Variants in SHISA9 observed in about 807,000 individuals in gnomAD.
The protein encoded by SHISA9 is shisa family member 9.
Under a neutral mutation model 38.0 loss-of-function variants are expected in SHISA9, and 13 were observed. The ratio of observed to expected loss-of-function variants is 0.34; its 90% CI spans 0.22 to 0.54. The LOEUF is 0.54. Ranked by LOEUF, SHISA9 falls within the 20% of genes least tolerant of loss-of-function variation. SHISA9 has a pLI of 0.91. For missense variants in SHISA9, 538 were observed against 575.8 expected (o/e 0.93, Z 0.67); for synonymous variants, 275 against 242.0 (o/e 1.14, Z -1.27).
the SHISA9 span, among the ~76,000 whole-genome samples, chr16:13,561,372 G>A: frequency 2.6e-5 from 4 of 152,120 alleles, no homozygotes; most frequent in African/African-American, 7.2e-5. Context: ...ACTTGGCCCC[G>A]CATCCATTAC....
chr16:12,947,937 G>T (rs1015928526), intron 2 of SHISA9, among the ~76,000 whole-genome samples: 8 of 152,186 alleles, frequency 5.3e-5, no homozygotes, highest in African/African-American at 1.2e-4. Context: ...AATCGACAGG[G>T]TTTAGAAGAT....
intron 1 of SHISA9, among the ~76,000 whole-genome samples, chr16:12,914,130 CT>C (rs1190869245): frequency 6.6e-6 from 1 of 150,928 alleles, no homozygotes; most frequent in African/African-American, 2.4e-5. Context: ...ACTGCAACCC[CT>C]GCCTCCCGGG....
At chr16:13,480,449 G>A in the SHISA9 span, among the ~76,000 whole-genome samples, 378 of 152,270 alleles carry the variant, frequency 2.5e-3, no homozygotes, top group Non-Finnish European at 4.2e-3. Flanking sequence ...GGGGAACAGG[G>A]AGAGAATGCA....
At chr16:13,263,705 C>T in the SHISA9 span, among the ~76,000 whole-genome samples, 1 of 152,172 alleles carries the variant, frequency 6.6e-6, no homozygotes. Context: ...CATATAATTC[C>T]TACATGACTG....
At chr16:13,333,579 G>C in the SHISA9 span, among the ~76,000 whole-genome samples, 1 of 152,170 alleles carries the variant, frequency 6.6e-6, no homozygotes, top group Non-Finnish European at 1.5e-5. Context: ...GGAGCCAAGA[G>C]CCACATCATG....
At chr16:13,406,285 C>G in the SHISA9 span, among the ~76,000 whole-genome samples, 2 of 152,304 alleles carry the variant, frequency 1.3e-5, no homozygotes, top group African/African-American at 4.8e-5. Context: ...ATAGCTCACA[C>G]TCTGTCTCTA....
At chr16:13,346,161 A>T in the SHISA9 span, among the ~76,000 whole-genome samples, 2 of 152,110 alleles carry the variant, frequency 1.3e-5, no homozygotes, top group Non-Finnish European at 2.9e-5. Context: ...TCCATGCTCC[A>T]TGTCCATGCA....
intron 2 of SHISA9, among the ~76,000 whole-genome samples, chr16:12,967,904 G>C (rs1279220493): frequency 6.6e-6 from 1 of 152,050 alleles, no homozygotes; most frequent in Non-Finnish European, 1.5e-5. Flanking sequence ...AAATTCCAGA[G>C]CTAAGCCAGG....
At chr16:12,966,726 G>A (rs908460624) in intron 2 of SHISA9, among the ~76,000 whole-genome samples, 1 of 152,176 alleles carries the variant, frequency 6.6e-6, no homozygotes, top group African/African-American at 2.4e-5. Context: ...CACAGTGCCT[G>A]GCACAGAGTA....
chr16:13,127,030 C>A (rs1258236786), intron 2 of SHISA9, among the ~76,000 whole-genome samples: 1 of 102,668 alleles, frequency 9.7e-6, no homozygotes, highest in Non-Finnish European at 1.9e-5. Flanking sequence ...ACAGAGAGAG[C>A]CGAAGGAAGG....
intron 2 of SHISA9, among the ~76,000 whole-genome samples, chr16:13,189,514 A>G (rs1440156453): frequency 6.6e-6 from 1 of 152,226 alleles, no homozygotes; most frequent in Non-Finnish European, 1.5e-5. Context: ...TAGAATTGTT[A>G]TACTTAGAGA....
the SHISA9 span, among the ~76,000 whole-genome samples, chr16:13,540,131 A>C: frequency 6.6e-6 from 1 of 152,062 alleles, no homozygotes; most frequent in Non-Finnish European, 1.5e-5. Flanking sequence ...CCAGTGCTTA[A>C]ATCCTTTCAA....
intron 2 of SHISA9, among the ~76,000 whole-genome samples, chr16:13,118,538 G>A (rs1443498796): frequency 1.3e-5 from 2 of 152,186 alleles, no homozygotes; most frequent in Middle Eastern, 3.4e-3. Context: ...GGTGCATGTG[G>A]ATCACCTGGA....
At chr16:12,932,695 A>G (rs1347064327) in intron 2 of SHISA9, among the ~76,000 whole-genome samples, 1 of 152,164 alleles carries the variant, frequency 6.6e-6, no homozygotes, top group African/African-American at 2.4e-5. Context: ...TCAAGTATAT[A>G]GCAGGGTCAG....
chr16:13,297,789 T>C, the SHISA9 span, among the ~76,000 whole-genome samples: 1 of 152,164 alleles, frequency 6.6e-6, no homozygotes, highest in Non-Finnish European at 1.5e-5. Context: ...AGAGTTTTGC[T>C]CTTGTTGCCC....
chr16:13,497,693 A>G, the SHISA9 span, among the ~76,000 whole-genome samples: 7 of 151,624 alleles, frequency 4.6e-5, no homozygotes, highest in East Asian at 1.4e-3. Flanking sequence ...TCCAAAAAAA[A>G]AAAAAAAAGA....
At chr16:13,092,721 T>G (rs1204132417) in intron 2 of SHISA9, among the ~76,000 whole-genome samples, 1 of 152,226 alleles carries the variant, frequency 6.6e-6, no homozygotes, top group African/African-American at 2.4e-5. Context: ...TTCCAGGTAG[T>G]CTGTTGTGGC....
chr16:13,505,231 T>C, the SHISA9 span, among the ~76,000 whole-genome samples: 2 of 152,136 alleles, frequency 1.3e-5, no homozygotes, highest in African/African-American at 4.8e-5. Flanking sequence ...GCAAAAGCAA[T>C]CATTAAAGTC....
chr16:13,363,891 T>A, the SHISA9 span, among the ~76,000 whole-genome samples: 1 of 152,130 alleles, frequency 6.6e-6, no homozygotes, highest in Non-Finnish European at 1.5e-5. Flanking sequence ...TATCAGCATG[T>A]CCTAAGAACT....
Sources: allele counts gnomAD v4.1 joint callset (sites outside exome capture counted in the v4.1 genomes callset), GRCh38; gene constraint gnomAD v4.1.1; transcripts MANE v1.5; gene names NCBI Gene and HGNC (gene_info 2026-07-23, HGNC 2026-07-21).